EYA4: variants seen among roughly 807,000 people sequenced by gnomAD.
The protein encoded by EYA4 is EYA transcriptional coactivator and phosphatase 4.
Under a neutral mutation model 87.9 loss-of-function variants are expected in EYA4, and 31 were observed. The ratio of observed to expected loss-of-function variants is 0.35; its 90% CI spans 0.27 to 0.48. The LOEUF (loss-of-function observed/expected upper bound fraction) is 0.48, where lower values mean the gene tolerates loss of function less well. EYA4 is among the 20% of genes least tolerant of loss of function. The pLI is 0.99. For synonymous variants in EYA4, 263 were observed against 270.6 expected, an observed-to-expected ratio of 0.97 and a Z score of 0.28; for missense variants, 678 against 761.4, an observed-to-expected ratio of 0.89 and a Z score of 1.29.
chr6:133,385,379 T>A (rs1786633846), intron 3 of EYA4, among the ~76,000 whole-genome samples: 1 of 146,242 alleles, frequency 6.8e-6, no homozygotes, highest in African/African-American at 2.5e-5. Flanking sequence ...TGTGTGTGTA[T>A]GTATGCTCTC....
At chr6:133,501,305 T>C (rs1798095056) in intron 13 of EYA4, among the ~76,000 whole-genome samples, 1 of 152,134 alleles carries the variant, frequency 6.6e-6, no homozygotes, top group African/African-American at 2.4e-5. Context: ...GTTTATCAGA[T>C]ATCTCATCCA....
intron 1 of EYA4, among the ~76,000 whole-genome samples, chr6:133,255,610 T>C (rs1308127774): frequency 6.6e-6 from 1 of 152,154 alleles, no homozygotes; most frequent in African/African-American, 2.4e-5. Context: ...AGGCATTTTT[T>C]TTTCTATATA....
At chr6:133,415,427 C>G (rs211592) in intron 3 of EYA4, among the ~76,000 whole-genome samples, 2 of 151,934 alleles carry the variant, frequency 1.3e-5, no homozygotes, top group African/African-American at 4.8e-5. Context: ...TCTCACTGCT[C>G]GGTCTTTTCT....
chr6:133,423,556 GTGAATACTTGTCCAGTGC>G (rs1308383038), intron 3 of EYA4, among the ~76,000 whole-genome samples: 16 of 152,164 alleles, frequency 1.1e-4, no homozygotes, highest in Non-Finnish European at 2.4e-4. Flanking sequence ...TAGGACTGTA[GTGAATACTTGTCCAGTGC>G]ATTTTTATAA....
intron 16 of EYA4, among the ~76,000 whole-genome samples, chr6:133,514,073 A>G (rs11969376): frequency 0.15 from 22,036 of 151,704 alleles, 1,720 homozygotes; most frequent in Middle Eastern, 0.19. Flanking sequence ...CAGATACATA[A>G]TAACTGTAAG....
intron 14 of EYA4, among the ~76,000 whole-genome samples, chr6:133,509,986 CAG>C (rs541706045): frequency 4.6e-5 from 7 of 152,066 alleles, no homozygotes; most frequent in Non-Finnish European, 1.0e-4. Flanking sequence ...GGCAACCGTC[CAG>C]AGTCAACAGG....
intron 17 of EYA4, among the ~76,000 whole-genome samples, chr6:133,518,768 T>C (rs1032741653): frequency 3.3e-5 from 5 of 152,190 alleles, no homozygotes; most frequent in Non-Finnish European, 7.4e-5. Context: ...TCAGCAAATG[T>C]AAAAGAACAG....
At chr6:133,423,996 C>T (rs1790436435) in intron 3 of EYA4, among the ~76,000 whole-genome samples, 1 of 152,244 alleles carries the variant, frequency 6.6e-6, no homozygotes, top group South Asian at 2.1e-4. Context: ...GTGGGTGGCT[C>T]CTCTCTGTAG....
chr6:133,262,502 A>G (rs1775878607), intron 1 of EYA4, among the ~76,000 whole-genome samples: 1 of 152,224 alleles, frequency 6.6e-6, no homozygotes, highest in Non-Finnish European at 1.5e-5. Context: ...CCCTGGGACA[A>G]TTCACTCAGA....
In EYA4 at chr6:133,354,114, T is replaced by C. The variant is rs187916580; in HGVS notation, c.34-28278T>C. 3.2e-3 allele frequency among the ~76,000 whole-genome samples: 494 copies of C among 152,270 alleles called. 3 individuals are homozygous for C. Among genetic ancestry groups the C allele is most frequent in the African/African-American group, 0.011 (462 of 41,576 alleles). On this transcript the variant is annotated intron_variant, in intron 2 of 19. Transcript: ENST00000355286. The stretch of plus-strand genomic sequence containing the variant: ...CCATGCATAATTACTGGATGTGCTA[T>C]AGTATTTTTAGAAAATTGCAGACAT...
At chr6:133,341,082 A>C (rs570945386) in intron 2 of EYA4, among the ~76,000 whole-genome samples, 127 of 152,316 alleles carry the variant, frequency 8.3e-4, no homozygotes, top group African/African-American at 2.9e-3. Flanking sequence ...TAGACCCTGG[A>C]CATGAACCCT....
intron 2 of EYA4, among the ~76,000 whole-genome samples, chr6:133,376,002 T>C (rs1251907450): frequency 2.0e-5 from 3 of 151,862 alleles, no homozygotes; most frequent in Non-Finnish European, 2.9e-5. Flanking sequence ...TACAGTTTTT[T>C]GAAATAAATA....
chr6:133,278,703 T>G (rs1582828469), intron 2 of EYA4, among the ~76,000 whole-genome samples: 1 of 152,190 alleles, frequency 6.6e-6, no homozygotes, highest in Non-Finnish European at 1.5e-5. Context: ...GTTCAGTCCT[T>G]CATTTTTCCT....
intron 2 of EYA4, among the ~76,000 whole-genome samples, chr6:133,358,498 G>A (rs557391925): frequency 6.6e-6 from 1 of 152,282 alleles, no homozygotes; most frequent in African/African-American, 2.4e-5. Flanking sequence ...ATCATCGAAT[G>A]TAGTTGGGAT....
chr6:133,489,430 C>CA (rs938648272), intron 13 of EYA4, among the ~76,000 whole-genome samples: 1 of 151,566 alleles, frequency 6.6e-6, no homozygotes, highest in Non-Finnish European at 1.5e-5. Context: ...AAATTTAACC[C>CA]AAAAAAGACT....
chr6:133,386,827 G>C (rs1024787513), intron 3 of EYA4, among the ~76,000 whole-genome samples: 5 of 152,130 alleles, frequency 3.3e-5, no homozygotes, highest in Non-Finnish European at 5.9e-5. Flanking sequence ...AGAACTTGTG[G>C]TATGTATGAG....
intron 6 of EYA4, among the ~76,000 whole-genome samples, chr6:133,459,714 T>G (rs1471827336): frequency 6.6e-6 from 1 of 152,126 alleles, no homozygotes; most frequent in Non-Finnish European, 1.5e-5. Context: ...TTAAGTTGAT[T>G]TGAAAATTTA....
intron 3 of EYA4, among the ~76,000 whole-genome samples, chr6:133,408,260 ACTC>A (rs1788902076): frequency 7.2e-5 from 11 of 151,972 alleles, no homozygotes; most frequent in Admixed American, 7.2e-4. Context: ...CTAGGAAGAT[ACTC>A]CTCCTCTGAG....
intron 2 of EYA4, among the ~76,000 whole-genome samples, chr6:133,356,378 G>T (rs538759641): frequency 6.6e-6 from 1 of 152,094 alleles, no homozygotes; most frequent in Non-Finnish European, 1.5e-5. Flanking sequence ...TAAAATTGGT[G>T]TATTTTACTT....
Sources: allele counts gnomAD v4.1 joint callset (sites outside exome capture counted in the v4.1 genomes callset), GRCh38; gene constraint gnomAD v4.1.1; transcripts MANE v1.5; gene names NCBI Gene and HGNC (gene_info 2026-07-23, HGNC 2026-07-21).